PDE8B: variants seen among roughly 807,000 people sequenced by gnomAD.
PDE8B encodes the protein phosphodiesterase 8B.
PDE8B carries 26 observed loss-of-function variants against 101.3 expected under a neutral mutation model. The observed-to-expected ratio is 0.26, with a 90% CI of 0.19 to 0.36. PDE8B has a LOEUF of 0.36. PDE8B is among the 10% of genes least tolerant of loss of function. PDE8B has a pLI of 1.00. For missense variants in PDE8B, 810 were observed against 1,163.1 expected, an observed-to-expected ratio of 0.70 and a Z score of 4.42; for synonymous variants, 424 against 429.3, an observed-to-expected ratio of 0.99 and a Z score of 0.15.
chr5:77,126,548 C>T, the PDE8B span, among the ~76,000 whole-genome samples: 1 of 152,118 alleles, frequency 6.6e-6, no homozygotes, highest in African/African-American at 2.4e-5. Context: ...ACCTCAGCCT[C>T]CCGAGTAGCT....
Position 77,421,733 on chromosome 5 carries a change from G to T in PDE8B, c.2251-88G>T, listed in dbSNP as rs1581622204. 17 of 1,283,194 alleles carry T rather than the reference G, an allele frequency of 1.3e-5. No individual in the cohort carries two copies. The East Asian group carries it at 4.0e-4, about 30-fold the overall frequency. The allele number at this position is 1,283,194 out of a possible 1,614,324, so 79.5% of individuals were successfully genotyped here. On this transcript the variant is annotated intron_variant, in intron 19 of 21. Coordinates refer to ENST00000264917, the MANE Select transcript of PDE8B (RefSeq NM_003719.5). ...AGTCCCAGTCCTACCTGTGTGCTCG[G>T]TGATCACCATCGAATGCCTGGCGAA...
the PDE8B span, among the ~76,000 whole-genome samples, chr5:77,095,140 A>G: frequency 1.3e-5 from 2 of 152,090 alleles, no homozygotes; most frequent in East Asian, 1.9e-4. Flanking sequence ...GTAGAGAAAT[A>G]CTCTCTCTGG....
chr5:77,184,007 G>A, the PDE8B span, among the ~76,000 whole-genome samples: 1 of 150,006 alleles, frequency 6.7e-6, no homozygotes, highest in Non-Finnish European at 1.5e-5. Context: ...TCCCTCTGTT[G>A]TCCAGGCTGG....
chr5:77,388,839 G>C (rs1789297369), intron 10 of PDE8B, among the ~76,000 whole-genome samples: 1 of 152,168 alleles, frequency 6.6e-6, no homozygotes, highest in African/African-American at 2.4e-5. Context: ...GCTCCACCCA[G>C]TTCGAACTTC....
intron 12 of PDE8B, among the ~76,000 whole-genome samples, chr5:77,406,047 G>A (rs921975386): frequency 6.6e-6 from 1 of 152,192 alleles, no homozygotes; most frequent in African/African-American, 2.4e-5. Flanking sequence ...AGCAGTTTGG[G>A]AGGCTGAGGC....
chr5:77,156,862 C>A, the PDE8B span, among the ~76,000 whole-genome samples: 3 of 152,238 alleles, frequency 2.0e-5, no homozygotes, highest in East Asian at 5.8e-4. Context: ...CAGCTGGCTG[C>A]TGGCTGTTTC....
the PDE8B span, among the ~76,000 whole-genome samples, chr5:77,170,577 A>G: frequency 2.0e-5 from 3 of 152,220 alleles, no homozygotes; most frequent in African/African-American, 7.2e-5. Context: ...CTCCTTTAAG[A>G]ACTTTCTTGT....
At chr5:77,091,605 C>T in the PDE8B span, among the ~76,000 whole-genome samples, 1 of 152,014 alleles carries the variant, frequency 6.6e-6, no homozygotes, top group Non-Finnish European at 1.5e-5. Context: ...CGTGCAACTG[C>T]ACTCCAGACT....
Position 77,291,017 on chromosome 5 carries a change from G to A in PDE8B, c.340-20977G>A. On this transcript the variant is annotated intron_variant, in intron 1 of 21. Transcript: ENST00000264917. Reference sequence around the variant, plus strand: ...TGTCCTTCACCGGGAGCACTCAGGTGGGAAAACAGATGGCCCTGATGGTGC... The same window carrying A: ...TGTCCTTCACCGGGAGCACTCAGGTAGGAAAACAGATGGCCCTGATGGTGC... 5 of 1,612,160 alleles carry A rather than the reference G, an allele frequency of 3.1e-6. No homozygotes were observed. The South Asian group carries it at 5.5e-5, about 18-fold the overall frequency.
chr5:77,203,829 AT>A, the PDE8B span, among the ~76,000 whole-genome samples: 2 of 152,196 alleles, frequency 1.3e-5, no homozygotes, highest in African/African-American at 4.8e-5. Context: ...TGAATTTAGC[AT>A]CATATTAGTG....
the PDE8B span, among the ~76,000 whole-genome samples, chr5:77,168,304 T>C: frequency 6.6e-6 from 1 of 152,194 alleles, no homozygotes; most frequent in African/African-American, 2.4e-5. Flanking sequence ...TCTTCACTTG[T>C]GTCAGGCTGT....
the PDE8B span, chr5:77,147,975 A>G: frequency 5.3e-5 from 8 of 152,214 alleles, no homozygotes; most frequent in African/African-American, 1.9e-4. Context: ...AGAAAAACTG[A>G]AAGAGAATTC....
the PDE8B span, among the ~76,000 whole-genome samples, chr5:77,199,355 T>C: frequency 7.2e-5 from 11 of 152,206 alleles, no homozygotes; most frequent in Admixed American, 1.3e-4. Context: ...CTCACAAAAG[T>C]GTTAGGAGAA....
chr5:77,309,966 T>TTTTA (rs60406571), intron 1 of PDE8B, among the ~76,000 whole-genome samples: 1 of 143,334 alleles, frequency 7.0e-6, no homozygotes, highest in African/African-American at 2.7e-5. Flanking sequence ...TTTTTTTTTT[T>TTTTA]GAGATGGAGT....
At chr5:77,271,408 GGAATCTA>G (rs1338997054) in intron 1 of PDE8B, among the ~76,000 whole-genome samples, 3 of 152,292 alleles carry the variant, frequency 2.0e-5, no homozygotes, top group African/African-American at 7.2e-5. Flanking sequence ...TTGTGGGAGT[GGAATCTA>G]GATGACAAAT....
At chr5:77,100,789 G>A in the PDE8B span, among the ~76,000 whole-genome samples, 1 of 151,882 alleles carries the variant, frequency 6.6e-6, no homozygotes, top group Non-Finnish European at 1.5e-5. Context: ...GTATAGTCAG[G>A]GTTGATGTGA....
At chr5:77,194,258 A>G in the PDE8B span, among the ~76,000 whole-genome samples, 1 of 152,206 alleles carries the variant, frequency 6.6e-6, no homozygotes, top group Non-Finnish European at 1.5e-5. Context: ...GGGTTTTTGC[A>G]TAGGCTTTTT....
intron 5 of PDE8B, 100 bp from the exon 6 acceptor site, chr5:77,337,127 C>T (rs529791320): frequency 6.0e-5 from 43 of 716,344 alleles, no homozygotes; most frequent in African/African-American, 3.3e-4. Context: ...TCTTATATAA[C>T]GGAGTTACCT....
intron 15 of PDE8B, among the ~76,000 whole-genome samples, 160 bp downstream of exon 15, chr5:77,411,881 T>TAGGAGC (rs1467262898): frequency 6.6e-6 from 1 of 152,250 alleles, no homozygotes; most frequent in African/African-American, 2.4e-5. Context: ...TAATTAAAAT[T>TAGGAGC]ACTTCTCTGA....
Sources: allele counts gnomAD v4.1 joint callset (sites outside exome capture counted in the v4.1 genomes callset), GRCh38; gene constraint gnomAD v4.1.1; transcripts MANE v1.5; gene names NCBI Gene and HGNC (gene_info 2026-07-23, HGNC 2026-07-21).